Variants in GRID2 observed in about 807,000 individuals in gnomAD.
GRID2 encodes glutamate ionotropic receptor delta type subunit 2, also known as glutamate receptor ionotropic, delta-2.
GRID2 carries 33 observed loss-of-function variants against 114.8 expected under a neutral mutation model. That is an observed-to-expected ratio of 0.29 (90% CI 0.22 to 0.38). The LOEUF is 0.38. GRID2 is among the 10% of genes least tolerant of loss of function. The pLI is 1.00. For synonymous variants in GRID2, 505 were observed against 449.9 expected (o/e 1.12, Z -1.55); for missense variants, 1,184 against 1,257.7 (o/e 0.94, Z 0.89).
At chr4:93,021,368 AT>A (rs1253052005) in intron 2 of GRID2, among the ~76,000 whole-genome samples, 1 of 150,522 alleles carries the variant, frequency 6.6e-6, no homozygotes, top group African/African-American at 2.4e-5. Context: ...TTCAAAGAAC[AT>A]ATTAAGAGAT....
At chr4:93,677,165 C>T (rs960220995) in intron 14 of GRID2, among the ~76,000 whole-genome samples, 2 of 152,166 alleles carry the variant, frequency 1.3e-5, no homozygotes, top group Non-Finnish European at 2.9e-5. Flanking sequence ...CCCACGGAGG[C>T]TCGCTGATTG....
chr4:93,048,716 A>C (rs929521472), intron 2 of GRID2, among the ~76,000 whole-genome samples: 19 of 152,128 alleles, frequency 1.2e-4, no homozygotes, highest in Non-Finnish European at 2.5e-4. Flanking sequence ...GCTAGGGAAG[A>C]GAAAGCAAAT....
intron 1 of GRID2, among the ~76,000 whole-genome samples, chr4:92,492,681 C>T (rs1723198180): frequency 6.6e-6 from 1 of 152,056 alleles, no homozygotes; most frequent in Admixed American, 6.6e-5. Context: ...GAATATGAAG[C>T]TCAAAGGCTC....
intron 2 of GRID2, among the ~76,000 whole-genome samples, chr4:93,075,955 G>T (rs1210052981): frequency 1.6e-5 from 2 of 128,856 alleles, no homozygotes; most frequent in Admixed American, 8.7e-5. Flanking sequence ...CCAGGCTGAA[G>T]TGCAGTGGCG....
chr4:93,704,870 T>C (rs137959167), intron 14 of GRID2, among the ~76,000 whole-genome samples: 84 of 152,338 alleles, frequency 5.5e-4, no homozygotes, highest in African/African-American at 2.0e-3. Context: ...ACACTTAGGT[T>C]GCTTCCAAAT....
chr4:92,982,994 C>G (rs1297448410), intron 2 of GRID2, among the ~76,000 whole-genome samples: 1 of 151,976 alleles, frequency 6.6e-6, no homozygotes, highest in African/African-American at 2.4e-5. Context: ...AACTATGTAT[C>G]AAACTGGGTC....
chr4:92,434,742 A>G (rs936891585), intron 1 of GRID2, among the ~76,000 whole-genome samples: 2 of 152,134 alleles, frequency 1.3e-5, no homozygotes, highest in African/African-American at 4.8e-5. Flanking sequence ...CTAATAATAC[A>G]AATTTTTCCA....
At chr4:93,308,710 A>G (rs1461751524) in intron 8 of GRID2, among the ~76,000 whole-genome samples, 3 of 152,238 alleles carry the variant, frequency 2.0e-5, no homozygotes, top group Non-Finnish European at 4.4e-5. Flanking sequence ...ACTGAAAACT[A>G]GAATTTCTTA....
intron 2 of GRID2, among the ~76,000 whole-genome samples, chr4:93,058,838 T>C (rs1390603744): frequency 6.6e-6 from 1 of 152,062 alleles, no homozygotes; most frequent in Non-Finnish European, 1.5e-5. Flanking sequence ...TGCTTTTCTT[T>C]ACCCAGTAAA....
At position 92,859,042 on chromosome 4, in the gene GRID2, CG is replaced by C. The variant is rs1359379697; in HGVS notation, c.245-225950del. 5.3e-4 allele frequency among the ~76,000 whole-genome samples: 80 copies of C among 152,198 alleles called. No individual in the cohort carries two copies. In the Middle Eastern group the frequency reaches 0.017, roughly 32 times the overall value. ...GACTCCAATTTTGAAAATCCTACTA[CG>C]GGTAAAATGATATCAAACAGCATCA... On this transcript the variant is annotated intron_variant, in intron 2 of 15. Coordinates refer to ENST00000282020, the MANE Select transcript of GRID2 (RefSeq NM_001510.4).
chr4:92,715,027 G>A (rs1005401059), intron 2 of GRID2, among the ~76,000 whole-genome samples: 3 of 152,108 alleles, frequency 2.0e-5, no homozygotes, highest in South Asian at 2.1e-4. Context: ...ATATTGTCAG[G>A]TTGCGAATTT....
At chr4:93,183,148 A>T (rs971865167) in intron 4 of GRID2, among the ~76,000 whole-genome samples, 9 of 152,214 alleles carry the variant, frequency 5.9e-5, no homozygotes, top group Non-Finnish European at 1.0e-4. Flanking sequence ...TGCCTGAGGC[A>T]GAACTACATA....
At position 93,644,266 on chromosome 4, in the gene GRID2, C is replaced by T. The variant is rs1045483534; in HGVS notation, c.2360+17831C>T. ...CCTCAGATGGAAATGCAGAAATCAC[C>T]GTCTTCTGCGTCGCTCACGCTGGGA... On this transcript the variant is annotated intron_variant, in intron 14 of 15. Coordinates refer to ENST00000282020, the MANE Select transcript of GRID2 (RefSeq NM_001510.4). 4.0e-5 allele frequency among the ~76,000 whole-genome samples: 2 copies of T among 49,834 alleles called. 1 individual carries two copies. Among genetic ancestry groups the T allele is most frequent in the Non-Finnish European group, 7.9e-5 (2 of 25,354 alleles). 32.7% of individuals were successfully genotyped at this position (49,834 alleles called of 152,430 possible).
intron 4 of GRID2, among the ~76,000 whole-genome samples, chr4:93,155,356 A>T (rs1031837150): frequency 3.3e-5 from 5 of 151,914 alleles, no homozygotes; most frequent in Middle Eastern, 3.4e-3. Context: ...CTCCTCCCCA[A>T]CATCTTTTTT....
chr4:92,800,719 C>G (rs1282931203), intron 2 of GRID2, among the ~76,000 whole-genome samples: 1 of 151,924 alleles, frequency 6.6e-6, no homozygotes, highest in African/African-American at 2.4e-5. Context: ...TCTAGAGAGT[C>G]ATGAAGCCCG....
chr4:93,029,745 A>G (rs977962139), intron 2 of GRID2, among the ~76,000 whole-genome samples: 1 of 152,154 alleles, frequency 6.6e-6, no homozygotes, highest in Admixed American at 6.6e-5. Context: ...AATTATTTAT[A>G]TGACAAAAAT....
chr4:93,025,400 T>C (rs1008319820), intron 2 of GRID2, among the ~76,000 whole-genome samples: 1 of 151,754 alleles, frequency 6.6e-6, no homozygotes, highest in Non-Finnish European at 1.5e-5. Flanking sequence ...TTAGTAAGAT[T>C]AGCCAGTAAT....
intron 2 of GRID2, among the ~76,000 whole-genome samples, chr4:92,921,350 G>A (rs564578908): frequency 7.6e-4 from 115 of 152,178 alleles, no homozygotes; most frequent in Non-Finnish European, 1.1e-3. Context: ...CTCTCAACTC[G>A]TCAAAGTCAT....
intron 8 of GRID2, among the ~76,000 whole-genome samples, chr4:93,383,501 G>A (rs1280226430): frequency 6.6e-6 from 1 of 152,106 alleles, no homozygotes; most frequent in Non-Finnish European, 1.5e-5. Context: ...ATAGACTCCA[G>A]AACTCCAGAA....
Sources: gnomAD v4.1 joint callset for allele counts (sites outside exome capture counted in the v4.1 genomes callset) on GRCh38, gnomAD v4.1.1 for gene constraint, MANE v1.5 for transcripts, NCBI Gene and HGNC (gene_info 2026-07-23, HGNC 2026-07-21) for gene names.